The following IL3RA variants were observed in gnomAD, a reference collection of about 807,000 sequenced individuals.
IL3RA encodes interleukin-3 receptor subunit alpha.
Under a neutral mutation model 52.3 loss-of-function variants are expected in IL3RA, and 73 were observed. That is an observed-to-expected ratio of 1.40 (90% confidence interval 1.16 to 1.70). IL3RA has a LOEUF of 1.70. Ranked by LOEUF, IL3RA falls within the 40% of genes most tolerant of loss-of-function variation. IL3RA has a pLI of 0.00. For synonymous variants in IL3RA, 260 were observed against 194.0 expected, an observed-to-expected ratio of 1.34 and a Z score of -2.83; for missense variants, 664 against 504.4, an observed-to-expected ratio of 1.32 and a Z score of -3.03.
intron 9 of IL3RA, among the ~76,000 whole-genome samples, chrX:1,367,923 C>A (rs781209956): frequency 6.6e-6 from 1 of 151,922 alleles, no homozygotes; most frequent in South Asian, 2.1e-4. Context: ...GACCCTGAAC[C>A]CGACGGTGAA....
rs138387847 is a variant in IL3RA at position 1,363,512 on chromosome X, T to C, written c.760-1626T>C. ...AGACGGGGTTTCACTGTGGTCTCGA[T>C]CTCCTGACCTTGTGATCTGCCCGCC... On this transcript the variant is annotated intron_variant, in intron 8 of 11. Coordinates refer to ENST00000331035, the MANE Select transcript of IL3RA (RefSeq NM_002183.4). Among the ~76,000 whole-genome samples the C allele has an allele frequency of 7.6e-3, 1,142 of 150,670 alleles. 21 individuals are homozygous for C. Among genetic ancestry groups the C allele is most frequent in the African/African-American group, 0.027 (1,090 of 40,680 alleles).
intron 3 of IL3RA, 70 bp from the exon 4 acceptor site, chrX:1,348,361 A>G (rs1477637891): frequency 2.4e-6 from 3 of 1,264,142 alleles, no homozygotes; most frequent in South Asian, 1.2e-5. Flanking sequence ...CTCAAAAAAA[A>G]TCTGAACATC....
At position 1,365,196 on chromosome X, in the gene IL3RA, G is replaced by A; in HGVS notation, c.818G>A (p.Arg273Lys). 1.9e-6 allele frequency: 3 copies of A among 1,611,586 alleles called. No homozygotes were observed. Among genetic ancestry groups the A allele is most frequent in the Non-Finnish European group, 2.5e-6 (3 of 1,179,162 alleles). The part of the protein sequence containing the change: ...LNPGTYTVQI[R>K]ARERVYEFLS... Reference sequence around the variant, plus strand: ...CCTGGAACGTACACAGTACAAATAAGAGCCCGGGAAAGAGTGTATGAATTC... The same window carrying A: ...CCTGGAACGTACACAGTACAAATAAAAGCCCGGGAAAGAGTGTATGAATTC... The change falls in exon 9 of 12, where the codon AGA (arginine) becomes AAA (lysine). Residue 273 changes from arginine (R) to lysine (K), a missense_variant. Arg to Lys is a conservative substitution (Grantham distance 26, BLOSUM62 2). Transcript: ENST00000331035.
At chrX:1,381,215 A>G in intron 11 of IL3RA, 111 bp downstream of exon 11, 1 of 893,444 alleles carries the variant, frequency 1.1e-6, no homozygotes, top group East Asian at 2.4e-5. Flanking sequence ...CCTGGCCAAC[A>G]TGGAGAAACT....
At chrX:1,359,058 C>G (rs775496929) in intron 8 of IL3RA, among the ~76,000 whole-genome samples, 171 bp downstream of exon 8, 4 of 152,076 alleles carry the variant, frequency 2.6e-5, no homozygotes, top group African/African-American at 9.6e-5. Context: ...ATTGGACAGA[C>G]TCTTGAGTGT....
chrX:1,356,082 C>A, intron 6 of IL3RA, 139 bp from the exon 7 acceptor site: 1 of 641,416 alleles, frequency 1.6e-6, no homozygotes. Context: ...GTTCCCTCTT[C>A]CTTCCTGGTG....
At chrX:1,350,978 G>A (rs1342209161) in intron 4 of IL3RA, among the ~76,000 whole-genome samples, 7 of 151,712 alleles carry the variant, frequency 4.6e-5, no homozygotes, top group South Asian at 2.1e-4. Context: ...AGGCTGAGGC[G>A]GGTGGATCAC....
chrX:1,355,928 A>T (rs2086672256), intron 6 of IL3RA, among the ~76,000 whole-genome samples: 1 of 151,942 alleles, frequency 6.6e-6, no homozygotes, highest in Admixed American at 6.6e-5. Context: ...GAAAAGCTGA[A>T]CGCCTGGTAC....
At chrX:1,342,383 C>G (rs2085526543) in intron 2 of IL3RA, among the ~76,000 whole-genome samples, 1 of 151,880 alleles carries the variant, frequency 6.6e-6, no homozygotes, top group African/African-American at 2.4e-5. Flanking sequence ...TCAGGCTGGT[C>G]TAGAACTGCT....
At chrX:1,349,288 T>G (rs1247444013) in intron 4 of IL3RA, among the ~76,000 whole-genome samples, 1 of 151,494 alleles carries the variant, frequency 6.6e-6, no homozygotes, top group East Asian at 1.9e-4. Flanking sequence ...TTCAAGCGAT[T>G]CTCCTGCCTC....
At position 1,347,573 on chromosome X, in the gene IL3RA, C is replaced by T. The variant is rs1177694549; in HGVS notation, c.184-858C>T. On this transcript the variant is annotated intron_variant, in intron 3 of 11. Transcript: ENST00000331035. ...GGTGGAGGTTGCAGTGAGCTGAGAT[C>T]GCACCACTGAAGTCTAGCCTGGGCA... Among the ~76,000 whole-genome samples the T allele has an allele frequency of 2.6e-4, 40 of 151,634 alleles. 1 individual carries two copies. The East Asian group carries it at 4.1e-3, about 15-fold the overall frequency.
rs779157785 is a variant in IL3RA at position 1,362,901 on chromosome X, G to A, written c.760-2237G>A. 5.3e-5 allele frequency among the ~76,000 whole-genome samples: 8 copies of A among 151,858 alleles called. No homozygotes were observed. In the South Asian group the frequency reaches 8.3e-4, roughly 16 times the overall value. On this transcript the variant is annotated intron_variant, in intron 8 of 11. Coordinates refer to ENST00000331035, the MANE Select transcript of IL3RA (RefSeq NM_002183.4). ...AGCGATTCCCCTGCCTCAGCCTCCCGAGTAGCTGGGACTACAGGTGCACAC... is the reference window on the plus strand; with the variant it reads ...AGCGATTCCCCTGCCTCAGCCTCCCAAGTAGCTGGGACTACAGGTGCACAC...
chrX:1,344,022 T>TCC (rs1569519576), intron 2 of IL3RA, among the ~76,000 whole-genome samples: 1 of 151,910 alleles, frequency 6.6e-6, no homozygotes, highest in Non-Finnish European at 1.5e-5. Context: ...TCTTGATCAC[T>TCC]TGACCTGGTG....
rs1372137893 is a variant in IL3RA at position 1,378,716 on chromosome X, C to T, written c.932C>T (p.Ala311Val). 9.3e-6 allele frequency: 15 copies of T among 1,612,578 alleles called. No homozygotes were observed. Among genetic ancestry groups the T allele is most frequent in the East Asian group, 4.5e-5 (2 of 44,886 alleles). The change falls in exon 10 of 12, where the codon GCG becomes GTG. Residue 311 changes from alanine to valine, a missense_variant. By Grantham distance (64) the Ala-to-Val change is moderately conservative. Coordinates refer to ENST00000331035, the MANE Select transcript of IL3RA (RefSeq NM_002183.4). ...TRAWRTSLLI[A>V]LGTLLALVCV... ...GCCTGGCGGACGTCGCTGCTGATCG[C>T]GCTGGGGACGCTGCTGGCCCTGGTC...
At chrX:1,361,986 G>C (rs2087436847) in intron 8 of IL3RA, among the ~76,000 whole-genome samples, 1 of 151,898 alleles carries the variant, frequency 6.6e-6, no homozygotes, top group Admixed American at 6.6e-5. Flanking sequence ...CACTCTCTCT[G>C]TCTCTCTGCT....
At position 1,381,209 on chromosome X, in the gene IL3RA, G is replaced by A. The variant is rs1203949657; in HGVS notation, c.1062+105G>A. The A allele has an allele frequency of 1.5e-5, 14 of 958,926 alleles. No individual in the cohort carries two copies. The African/African-American group carries it at 2.0e-4, about 13-fold the overall frequency. 59.4% of individuals were successfully genotyped at this position (958,926 alleles called of 1,614,324 possible). On this transcript the variant is annotated intron_variant, in intron 11 of 11. Transcript: ENST00000331035. The stretch of plus-strand genomic sequence containing the variant: ...AGGCCAGGAACTGGAGACCAGCCTG[G>A]CCAACATGGAGAAACTCCGTGTCTA...
In IL3RA at chrX:1,343,654, G is replaced by A. The variant is rs746702095; in HGVS notation, c.65-1662G>A. On this transcript the variant is annotated intron_variant, in intron 2 of 11. Coordinates refer to ENST00000331035, the MANE Select transcript of IL3RA (RefSeq NM_002183.4). ...TGCACTCCAACCTGGGTGACAGAGC[G>A]AGGCTCCATCTCAAAAAAAAAAAAA... Among the ~76,000 whole-genome samples the A allele has an allele frequency of 7.9e-5, 10 of 125,936 alleles. 1 individual carries two copies. In the South Asian group the frequency reaches 8.4e-4, roughly 11 times the overall value. 82.6% of individuals were successfully genotyped at this position (125,936 alleles called of 152,430 possible). A position where few individuals can be genotyped will look rare whatever the true frequency, so the allele number is the denominator to read the frequency against.
intron 7 of IL3RA, among the ~76,000 whole-genome samples, chrX:1,357,148 T>A (rs1382550723): frequency 6.6e-6 from 1 of 152,046 alleles, no homozygotes; most frequent in South Asian, 2.1e-4. Flanking sequence ...GAAACAGAGT[T>A]TCATCATGTT....
intron 8 of IL3RA, 99 bp downstream of exon 8, chrX:1,358,986 TTAA>T: frequency 2.4e-6 from 2 of 833,712 alleles, no homozygotes; most frequent in East Asian, 3.5e-5. Context: ...ATAATTCTTA[TTAA>T]TAAAATAATG....
Sources: gnomAD v4.1 joint callset for allele counts (sites outside exome capture counted in the v4.1 genomes callset) on GRCh38, gnomAD v4.1.1 for gene constraint, MANE v1.5 for transcripts, NCBI Gene and HGNC (gene_info 2026-07-23, HGNC 2026-07-21) for gene names.